ZNF30: variants seen among roughly 807,000 people sequenced by gnomAD.
ZNF30 encodes the protein zinc finger protein 30.
ZNF30 carries 15 observed loss-of-function variants against 13.2 expected under a neutral mutation model. The ratio of observed to expected loss-of-function variants is 1.13; its 90% CI spans 0.76 to 1.75. The LOEUF (loss-of-function observed/expected upper bound fraction) is 1.75, where lower values mean the gene tolerates loss of function less well. ZNF30 is among the 40% of genes most tolerant of loss of function. ZNF30 has a pLI of 0.00. For missense variants in ZNF30, 726 were observed against 757.0 expected (o/e 0.96, Z 0.48); for synonymous variants, 223 against 256.6 (o/e 0.87, Z 1.25).
Position 34,944,436 on chromosome 19 carries a change from A to G in ZNF30, c.1470A>G (p.Gly490=), listed in dbSNP as rs149265975. 139 of 1,613,772 alleles carry G rather than the reference A, an allele frequency of 8.6e-5. No homozygotes were observed. The African/African-American group carries it at 1.7e-3, about 20-fold the overall frequency. Residue 490 remains glycine (G), a synonymous_variant, in exon 5 of 5, where the codon GGA becomes GGG. Transcript: ENST00000601142. The stretch of plus-strand genomic sequence containing the variant: ...AGCCCTATGAATGTAAGGAATGTGG[A>G]AAGACTTTTAGTCGAGCCTCGTACC... ...DVKPYECKEC[G]KTFSRASYLV... is the part of the protein sequence containing the mutation.
chr19:34,926,329 A>G (rs1489342205), upstream of ZNF30, among the ~76,000 whole-genome samples: 1 of 152,250 alleles, frequency 6.6e-6, no homozygotes. Flanking sequence ...TGGAAAAGGA[A>G]CCAGAAAGAG....
chr19:34,932,192 G>A (rs2012487065), intron 3 of ZNF30, among the ~76,000 whole-genome samples, 199 bp downstream of exon 3: 1 of 152,172 alleles, frequency 6.6e-6, no homozygotes, highest in Admixed American at 6.5e-5. Context: ...GACAAAAGAG[G>A]CCAGGTTTTC....
intron 4 of ZNF30, among the ~76,000 whole-genome samples, chr19:34,937,105 T>C (rs2058686424): frequency 6.6e-6 from 1 of 151,796 alleles, no homozygotes; most frequent in Non-Finnish European, 1.5e-5. Flanking sequence ...TCTGCCTCCC[T>C]GGTTAAAGTG....
intron 4 of ZNF30, among the ~76,000 whole-genome samples, chr19:34,939,138 TC>T (rs2012897531): frequency 1.3e-4 from 4 of 29,870 alleles, no homozygotes; most frequent in African/African-American, 3.4e-4. Flanking sequence ...TCCCCTCCCC[TC>T]CCCTCCCCTC....
intron 4 of ZNF30, among the ~76,000 whole-genome samples, chr19:34,937,139 G>C (rs2012781956): frequency 6.6e-6 from 1 of 152,006 alleles, no homozygotes; most frequent in African/African-American, 2.4e-5. Flanking sequence ...AGCCTCCTGA[G>C]TAGCTGGGAT....
rs781364525 is a variant in ZNF30 at position 34,933,743 on chromosome 19, G to A, written c.256+20G>A. Reference sequence around the variant, plus strand: ...GCACAGGTGAGTAAGAGCATGGCAGGTAGGGAGGCCATTGTTGCTGGAAAC... The same window carrying A: ...GCACAGGTGAGTAAGAGCATGGCAGATAGGGAGGCCATTGTTGCTGGAAAC... On this transcript the variant is annotated intron_variant, in intron 4 of 4. Transcript: ENST00000601142. The A allele has an allele frequency of 1.3e-5, 20 of 1,515,922 alleles. No individual in the cohort carries two copies. The South Asian group carries it at 1.8e-4, about 14-fold the overall frequency. 93.9% of individuals were successfully genotyped at this position (1,515,922 alleles called of 1,614,324 possible). A position where few individuals can be genotyped will look rare whatever the true frequency, so the allele number is the denominator to read the frequency against.
chr19:34,932,062 G>T (rs2012482521), intron 3 of ZNF30, 69 bp downstream of exon 3: 1 of 1,393,172 alleles, frequency 7.2e-7, no homozygotes, highest in Non-Finnish European at 9.5e-7. Flanking sequence ...CAGATTTTAG[G>T]GCTAGCTTAA....
At chr19:34,938,084 T>C (rs1310184242) in intron 4 of ZNF30, among the ~76,000 whole-genome samples, 2 of 151,984 alleles carry the variant, frequency 1.3e-5, no homozygotes, top group Non-Finnish European at 2.9e-5. Context: ...GTGTGAGCCA[T>C]GGCGCCCAGT....
intron 4 of ZNF30, among the ~76,000 whole-genome samples, chr19:34,937,092 A>G (rs368758516): frequency 4.9e-4 from 75 of 151,800 alleles, no homozygotes; most frequent in African/African-American, 1.7e-3. Flanking sequence ...GCTCACTGCA[A>G]CCTCTGCCTC....
In ZNF30 at chr19:34,943,792, G is replaced by T; in HGVS notation, c.826G>T (p.Val276Phe). The change falls in exon 5 of 5, where the codon GTT (valine) becomes TTT (phenylalanine). Residue 276 changes from valine to phenylalanine, a missense_variant. Val to Phe is a conservative substitution (Grantham distance 50, BLOSUM62 -1). Coordinates refer to ENST00000601142, the MANE Select transcript of ZNF30 (RefSeq NM_194325.3). ...GGCCTTCAGTACCTTTTCATACCTG[G>T]TTCAACATCAGCGAATTCATACCAG... ...GKAFSTFSYL[V>F]QHQRIHTSEK... 6 of 1,613,562 alleles carry T rather than the reference G, an allele frequency of 3.7e-6. No individual in the cohort carries two copies. The highest frequency in any genetic ancestry group is 5.1e-6 in the Non-Finnish European group (6 of 1,179,846).
Position 34,929,974 on chromosome 19 carries a change from CT to C in ZNF30, c.9+20del. 6.2e-7 allele frequency: 1 copy of C among 1,602,270 alleles called. No homozygotes were observed. Among genetic ancestry groups the C allele is most frequent in the South Asian group, 1.1e-5 (1 of 88,690 alleles). On this transcript the variant is annotated intron_variant, in intron 2 of 4. Transcript: ENST00000601142. ...TGGCCCATGTAAGTTGGTGTTTCTT[CT>C]TGAAATATGGGGATTTTTATATTAC...
intron 4 of ZNF30, among the ~76,000 whole-genome samples, chr19:34,940,217 C>T (rs527350147): frequency 1.4e-4 from 22 of 152,218 alleles, no homozygotes; most frequent in African/African-American, 4.3e-4. Context: ...TAGGGGATTT[C>T]GTTGATTTCT....
chr19:34,940,130 A>G (rs961920845), intron 4 of ZNF30, among the ~76,000 whole-genome samples: 1 of 152,318 alleles, frequency 6.6e-6, no homozygotes, highest in South Asian at 2.1e-4. Context: ...AATTGACCCC[A>G]TGGGCCCTGA....
chr19:34,939,891 A>G (rs2012946619), intron 4 of ZNF30, among the ~76,000 whole-genome samples: 1 of 152,234 alleles, frequency 6.6e-6, no homozygotes, highest in Admixed American at 6.5e-5. Flanking sequence ...TTATTCTTAC[A>G]CATGATTCTT....
chr19:34,940,053 A>G (rs2012955457), intron 4 of ZNF30, among the ~76,000 whole-genome samples: 1 of 152,254 alleles, frequency 6.6e-6, no homozygotes, highest in African/African-American at 2.4e-5. Context: ...AAGAAAGACT[A>G]AATGTCATGA....
chr19:34,930,029 C>G, intron 2 of ZNF30, 73 bp downstream of exon 2: 1 of 1,408,096 alleles, frequency 7.1e-7, no homozygotes, highest in Non-Finnish European at 9.8e-7. Context: ...TGACCTGAAG[C>G]ATTCTTCATC....
At position 34,927,191 on chromosome 19, in the gene ZNF30, G is replaced by C. The variant is rs56330896; in HGVS notation, c.-90G>C. ...ACCGGGAGCTCTGCAGACCTGTGTC[G>C]GCGCGGAACCCGGACTGAGACATGC... On this transcript the variant is annotated 5_prime_UTR_variant, in exon 1 of 5. Transcript: ENST00000601142. 119,948 of 385,224 alleles carry C rather than the reference G, an allele frequency of 0.31. 19,080 individuals are homozygous for C. Among genetic ancestry groups the C allele is most frequent in the South Asian group, 0.35 (2,423 of 6,918 alleles). The allele number at this position is 385,224 out of a possible 1,614,324, so 23.9% of individuals were successfully genotyped here.
intron 1 of ZNF30, among the ~76,000 whole-genome samples, chr19:34,928,256 G>T (rs10405545): frequency 0.17 from 6,715 of 40,216 alleles, 269 homozygotes; most frequent in Middle Eastern, 0.2. Context: ...TATATATATA[G>T]ATAGATAGAT....
At chr19:34,933,060 A>C (rs1398172339) in intron 3 of ZNF30, among the ~76,000 whole-genome samples, 1 of 151,284 alleles carries the variant, frequency 6.6e-6, no homozygotes, top group Non-Finnish European at 1.5e-5. Context: ...GATTACAAGC[A>C]TGAGCCACCG....
Sources: allele counts gnomAD v4.1 joint callset (sites outside exome capture counted in the v4.1 genomes callset), GRCh38; gene constraint gnomAD v4.1.1; transcripts MANE v1.5; gene names NCBI Gene and HGNC (gene_info 2026-07-23, HGNC 2026-07-21).